Variants in EPHA3 observed in about 807,000 individuals in gnomAD.
EPHA3 encodes ephrin type-A receptor 3.
EPHA3 carries 42 observed loss-of-function variants against 107.1 expected under a neutral mutation model. The ratio of observed to expected loss-of-function variants is 0.39; its 90% CI spans 0.31 to 0.51. The LOEUF is 0.51. Ranked by LOEUF, EPHA3 falls within the 20% of genes least tolerant of loss-of-function variation. The pLI is 0.78. For missense variants in EPHA3, 1,183 were observed against 1,211.2 expected, an observed-to-expected ratio of 0.98 and a Z score of 0.35; for synonymous variants, 461 against 424.8, an observed-to-expected ratio of 1.09 and a Z score of -1.05.
Position 89,342,065 on chromosome 3 carries a change from G to T in EPHA3, c.1281G>T (p.Ala427=). ...GCTCCCCACCAAGACAGTTTGCTGC[G>T]GTCAGCATCACAACTAATCAGGCTG... ...ELSSPPRQFA[A]VSITTNQAAP... The change falls in exon 5 of 17, where the codon GCG becomes GCT. Residue 427 remains alanine, a synonymous_variant. Transcript: ENST00000336596. 1 of 1,609,546 alleles carries T rather than the reference G, an allele frequency of 6.2e-7. No homozygotes were observed. The highest frequency in any genetic ancestry group is 8.5e-7 in the Non-Finnish European group (1 of 1,178,922).
chr3:89,124,815 G>A (rs1704057836), intron 1 of EPHA3, among the ~76,000 whole-genome samples: 1 of 151,866 alleles, frequency 6.6e-6, no homozygotes, highest in African/African-American at 2.4e-5. Flanking sequence ...TCTCATTTAT[G>A]CTGAATAGAG....
Position 89,156,912 on chromosome 3 carries a change from G to A in EPHA3, c.153+29639G>A, listed in dbSNP as rs138807393. Among the ~76,000 whole-genome samples the A allele has an allele frequency of 1.5e-4, 22 of 151,692 alleles. No homozygotes were observed. The East Asian group carries it at 4.3e-3, about 30-fold the overall frequency. ...TTTGGAAAAAAAAATGTAACTAAGG[G>A]CAGCCAGATGGCCTAGGACAGAAAA... On this transcript the variant is annotated intron_variant, in intron 2 of 16. Coordinates refer to ENST00000336596, the MANE Select transcript of EPHA3 (RefSeq NM_005233.6).
chr3:89,150,076 G>A (rs1237415799), intron 2 of EPHA3, among the ~76,000 whole-genome samples: 1 of 151,820 alleles, frequency 6.6e-6, no homozygotes, highest in Non-Finnish European at 1.5e-5. Flanking sequence ...TGTATCTCTG[G>A]CTCTCTTTTT....
At chr3:89,458,089 C>A (rs1710135803) in intron 15 of EPHA3, among the ~76,000 whole-genome samples, 1 of 152,154 alleles carries the variant, frequency 6.6e-6, no homozygotes. Context: ...TGTTTGAATG[C>A]CTCCTGTTTC....
chr3:89,381,334 C>G (rs551178777), intron 5 of EPHA3, among the ~76,000 whole-genome samples: 1 of 151,984 alleles, frequency 6.6e-6, no homozygotes, highest in East Asian at 2.0e-4. Flanking sequence ...AGACGTCTTT[C>G]ACTATCTGAA....
At chr3:89,201,406 C>T (rs1400393267) in intron 2 of EPHA3, among the ~76,000 whole-genome samples, 1 of 152,104 alleles carries the variant, frequency 6.6e-6, no homozygotes, top group African/African-American at 2.4e-5. Context: ...TAAATGAATA[C>T]AAATTATTTT....
chr3:89,362,568 G>A (rs79550871), intron 5 of EPHA3, among the ~76,000 whole-genome samples: 2,282 of 151,184 alleles, frequency 0.015, 64 homozygotes, highest in African/African-American at 0.052. Flanking sequence ...CTCCTGTAAT[G>A]AGCAATGCAG....
intron 13 of EPHA3, among the ~76,000 whole-genome samples, chr3:89,435,673 A>G (rs1709655043): frequency 1.4e-5 from 2 of 147,802 alleles, no homozygotes; most frequent in African/African-American, 4.9e-5. Context: ...ATAATATAGG[A>G]CAGGTGCGGT....
chr3:89,296,904 C>T (rs1706366964), intron 3 of EPHA3, among the ~76,000 whole-genome samples: 1 of 152,142 alleles, frequency 6.6e-6, no homozygotes, highest in Admixed American at 6.6e-5. Flanking sequence ...TGCTGCTTCA[C>T]CTTGCAGTTT....
chr3:89,146,036 T>C (rs2107028831), intron 2 of EPHA3, among the ~76,000 whole-genome samples: 1 of 152,030 alleles, frequency 6.6e-6, no homozygotes, highest in African/African-American at 2.4e-5. Flanking sequence ...TTCTGTGCTT[T>C]CAGTTACCAG....
At chr3:89,163,119 C>T (rs1704985602) in intron 2 of EPHA3, among the ~76,000 whole-genome samples, 1 of 152,114 alleles carries the variant, frequency 6.6e-6, no homozygotes, top group African/African-American at 2.4e-5. Flanking sequence ...TAGGATCATT[C>T]ACACCTAAAC....
chr3:89,452,811 C>A (rs544164188), intron 15 of EPHA3, among the ~76,000 whole-genome samples: 1 of 152,196 alleles, frequency 6.6e-6, no homozygotes, highest in South Asian at 2.1e-4. Flanking sequence ...CTGCTAGAAG[C>A]TTTACAGTAT....
chr3:89,350,486 C>T (rs1216054524), intron 5 of EPHA3, among the ~76,000 whole-genome samples: 5 of 151,204 alleles, frequency 3.3e-5, no homozygotes, highest in African/African-American at 1.2e-4. Flanking sequence ...TTAAGCACTT[C>T]TCTGTATTGG....
chr3:89,455,289 G>A (rs78917881), intron 15 of EPHA3, among the ~76,000 whole-genome samples: 1,536 of 152,262 alleles, frequency 0.01, 23 homozygotes, highest in African/African-American at 0.031. Context: ...CTGCAGGAAG[G>A]GAATGAGCCA....
chr3:89,282,714 A>C (rs1705978728), intron 3 of EPHA3, among the ~76,000 whole-genome samples: 1 of 152,158 alleles, frequency 6.6e-6, no homozygotes, highest in Non-Finnish European at 1.5e-5. Flanking sequence ...AAGTGAATAA[A>C]TGTGAAAAAT....
chr3:89,448,362 A>C (rs1709920225), intron 13 of EPHA3, among the ~76,000 whole-genome samples: 1 of 151,938 alleles, frequency 6.6e-6, no homozygotes, highest in Non-Finnish European at 1.5e-5. Flanking sequence ...ACTCATTATT[A>C]CTCCTGTTTG....
chr3:89,160,589 T>TGTGTGTGTGTGTGG (rs371399940), intron 2 of EPHA3, among the ~76,000 whole-genome samples: 17 of 145,100 alleles, frequency 1.2e-4, no homozygotes, highest in East Asian at 6.2e-4. Context: ...TGTGTGTGTG[T>TGTGTGTGTGTGTGG]GCGCGCATTC....
chr3:89,453,518 G>A (rs957391199), intron 15 of EPHA3, among the ~76,000 whole-genome samples: 15 of 151,862 alleles, frequency 9.9e-5, no homozygotes, highest in African/African-American at 3.4e-4. Flanking sequence ...TATTTTCTAT[G>A]AAAAGACAAC....
At chr3:89,117,891 C>T (rs1707293162) in intron 1 of EPHA3, among the ~76,000 whole-genome samples, 1 of 152,064 alleles carries the variant, frequency 6.6e-6, no homozygotes, top group Non-Finnish European at 1.5e-5. Context: ...GAATAAGTCA[C>T]AGCTGATCAT....
Sources: allele counts gnomAD v4.1 joint callset (sites outside exome capture counted in the v4.1 genomes callset), GRCh38; gene constraint gnomAD v4.1.1; transcripts MANE v1.5; gene names NCBI Gene and HGNC (gene_info 2026-07-23, HGNC 2026-07-21).